Variants in MYO18B observed in about 807,000 individuals in gnomAD.
MYO18B encodes myosin XVIIIB.
Under a neutral mutation model 273.0 loss-of-function variants are expected in MYO18B, and 204 were observed. The observed-to-expected ratio is 0.75, with a 90% CI of 0.67 to 0.84. The LOEUF is 0.84. Ranked by LOEUF, MYO18B falls within the 40% of genes least tolerant of loss-of-function variation. The pLI is 0.00. For missense variants in MYO18B, 3,212 were observed against 3,287.6 expected (o/e 0.98, Z 0.56); for synonymous variants, 1,330 against 1,305.7 (o/e 1.02, Z -0.40).
At chr22:26,046,290 T>G in the MYO18B span, among the ~76,000 whole-genome samples, 1 of 152,206 alleles carries the variant, frequency 6.6e-6, no homozygotes, top group African/African-American at 2.4e-5. Flanking sequence ...TAAGCATTGT[T>G]GTCTGTGCTC....
chr22:25,875,919 T>C (rs2146194382), intron 23 of MYO18B, among the ~76,000 whole-genome samples: 1 of 152,264 alleles, frequency 6.6e-6, no homozygotes, highest in Admixed American at 6.5e-5. Context: ...CTCCTATTAT[T>C]ATTTGGCCAT....
chr22:25,882,846 A>G (rs943521515), intron 25 of MYO18B, among the ~76,000 whole-genome samples: 22 of 152,142 alleles, frequency 1.4e-4, no homozygotes, highest in African/African-American at 5.1e-4. Context: ...CCACCCAAAT[A>G]GTGTGCCTTA....
At chr22:25,761,261 C>A in intron 2 of MYO18B, 130 bp downstream of exon 2, 2 of 1,008,170 alleles carry the variant, frequency 2.0e-6, no homozygotes, top group Non-Finnish European at 3.0e-6. Context: ...ATGTGCAATC[C>A]CACCTTCAAC....
chr22:25,772,546 TGAGG>T, intron 7 of MYO18B, 36 bp downstream of exon 7: 8 of 1,594,232 alleles, frequency 5.0e-6, no homozygotes, highest in Non-Finnish European at 6.8e-6. Context: ...GCTGAGGGGC[TGAGG>T]GCAGGGGGGC....
intron 21 of MYO18B, among the ~76,000 whole-genome samples, chr22:25,864,093 G>A (rs1002167102): frequency 6.6e-6 from 1 of 152,152 alleles, no homozygotes; most frequent in Non-Finnish European, 1.5e-5. Flanking sequence ...CCATATAGGT[G>A]AGCCCCTTCT....
chr22:25,878,193 T>C lies in MYO18B; in HGVS notation c.4314+145T>C, dbSNP rs1188550051. 4 of 627,332 alleles carry C rather than the reference T, an allele frequency of 6.4e-6. No individual in the cohort carries two copies. In the African/African-American group the frequency reaches 7.6e-5, roughly 12 times the overall value. 38.9% of individuals were successfully genotyped at this position (627,332 alleles called of 1,614,324 possible). A position where few individuals can be genotyped will look rare whatever the true frequency, so the allele number is the denominator to read the frequency against. On this transcript the variant is annotated intron_variant, in intron 25 of 43. Coordinates refer to ENST00000335473, the MANE Select transcript of MYO18B (RefSeq NM_032608.7). ...TTACCTGTGAGGCACATGCTGTTAT[T>C]GAACCCATTTTACAGTGGAGGAAAT...
At chr22:26,000,423 G>A (rs1933841663) in intron 40 of MYO18B, among the ~76,000 whole-genome samples, 1 of 151,926 alleles carries the variant, frequency 6.6e-6, no homozygotes, top group South Asian at 2.1e-4. Flanking sequence ...CCTAGAACTC[G>A]AGGGCTCCAT....
At position 25,962,898 on chromosome 22, in the gene MYO18B, C is replaced by T. The variant is rs555531914; in HGVS notation, c.6156+7534C>T. ...GTGTGTCAGGCAATGTCCAGGTTGCCGGAGAGTCAGAGAGAAACCAGTTAC... is the reference window on the plus strand; with the variant it reads ...GTGTGTCAGGCAATGTCCAGGTTGCTGGAGAGTCAGAGAGAAACCAGTTAC... On this transcript the variant is annotated intron_variant, in intron 39 of 43. Transcript: ENST00000335473. Among the ~76,000 whole-genome samples the T allele has an allele frequency of 1.0e-3, 153 of 152,210 alleles. 1 individual carries two copies. The highest frequency in any genetic ancestry group is 1.4e-3 in the Non-Finnish European group (93 of 68,012).
At chr22:25,845,872 G>T (rs2090225675) in intron 18 of MYO18B, among the ~76,000 whole-genome samples, 1 of 152,366 alleles carries the variant, frequency 6.6e-6, no homozygotes, top group East Asian at 1.9e-4. Context: ...GCATTTGAAG[G>T]TAGAAGACGG....
Position 25,853,150 on chromosome 22 carries a change from A to G in MYO18B, c.3885+1571A>G, listed in dbSNP as rs1036783259. ...CATCATCAACATCAGCAGCAGCACC[A>G]TCAATATCATCATCCTCTTTCAAAT... is the stretch of plus-strand genomic sequence containing the variant. On this transcript the variant is annotated intron_variant, in intron 21 of 43. Transcript: ENST00000335473. 2.6e-5 allele frequency among the ~76,000 whole-genome samples: 4 copies of G among 152,344 alleles called. No individual in the cohort carries two copies. The South Asian group carries it at 8.3e-4, about 32-fold the overall frequency.
At chr22:25,876,004 G>A (rs1306187537) in intron 23 of MYO18B, among the ~76,000 whole-genome samples, 185 bp from the exon 24 acceptor site, 5 of 27,244 alleles carry the variant, frequency 1.8e-4, no homozygotes, top group Admixed American at 1.7e-3. Flanking sequence ...AAGGAAGCCC[G>A]TGTGTGTGTG....
chr22:25,895,090 C>A (rs2091765126), intron 27 of MYO18B, 66 bp from the exon 28 acceptor site: 2 of 1,551,188 alleles, frequency 1.3e-6, no homozygotes, highest in African/African-American at 1.4e-5. Context: ...TGGAGGAGAG[C>A]CACTCACACT....
At chr22:25,812,106 C>T (rs761393666) in intron 12 of MYO18B, among the ~76,000 whole-genome samples, 7 of 152,202 alleles carry the variant, frequency 4.6e-5, no homozygotes, top group Non-Finnish European at 7.3e-5. Context: ...GTCTGCCATG[C>T]ACTGTGTCAT....
intron 31 of MYO18B, among the ~76,000 whole-genome samples, chr22:25,906,881 C>T (rs1007884213): frequency 1.5e-4 from 23 of 152,118 alleles, no homozygotes; most frequent in Non-Finnish European, 3.2e-4. Context: ...GAAACCACCC[C>T]CTGTGATCCA....
intron 38 of MYO18B, among the ~76,000 whole-genome samples, chr22:25,954,031 G>A (rs1334871371): frequency 1.3e-5 from 2 of 152,170 alleles, no homozygotes. Flanking sequence ...ACTGCCTGTG[G>A]CTGCAGAAAA....
At chr22:26,045,506 A>G in the MYO18B span, among the ~76,000 whole-genome samples, 88 of 152,312 alleles carry the variant, frequency 5.8e-4, 1 homozygote, top group East Asian at 0.016. Flanking sequence ...CATATTGGAC[A>G]AAGTCTCAAC....
intron 39 of MYO18B, chr22:25,959,094 A>G (rs1458580961): frequency 6.6e-6 from 1 of 152,178 alleles, no homozygotes; most frequent in Non-Finnish European, 1.5e-5. Flanking sequence ...TCGTACAAGT[A>G]TGGAGTTTCC....
At chr22:25,875,573 C>T (rs1198394183) in intron 23 of MYO18B, among the ~76,000 whole-genome samples, 2 of 152,184 alleles carry the variant, frequency 1.3e-5, no homozygotes, top group Admixed American at 1.3e-4. Flanking sequence ...CCAGCAGCAT[C>T]AGCATCACCT....
chr22:25,950,522 G>T (rs542173287), intron 37 of MYO18B, 72 bp downstream of exon 37: 1 of 590,474 alleles, frequency 1.7e-6, no homozygotes, highest in African/African-American at 2.0e-5. Context: ...AATAGGATGT[G>T]TGTGTGTGTG....
Sources: gnomAD v4.1 joint callset for allele counts (sites outside exome capture counted in the v4.1 genomes callset) on GRCh38, gnomAD v4.1.1 for gene constraint, MANE v1.5 for transcripts, NCBI Gene and HGNC (gene_info 2026-07-23, HGNC 2026-07-21) for gene names.